RPTOR: variants seen among roughly 807,000 people sequenced by gnomAD.
RPTOR encodes regulatory associated protein of MTOR complex 1.
RPTOR carries 21 observed loss-of-function variants against 169.9 expected under a neutral mutation model. The ratio of observed to expected loss-of-function variants is 0.12; its 90% confidence interval spans 0.09 to 0.18. The LOEUF (loss-of-function observed/expected upper bound fraction) is 0.18, where lower values mean the gene tolerates loss of function less well. Ranked by LOEUF, RPTOR falls within the 10% of genes least tolerant of loss-of-function variation. The pLI is 1.00. For synonymous variants in RPTOR, 732 were observed against 753.2 expected, an observed-to-expected ratio of 0.97 and a Z score of 0.46; for missense variants, 1,133 against 1,855.9, an observed-to-expected ratio of 0.61 and a Z score of 7.16.
Position 80,845,966 on chromosome 17 carries a change from C to T in RPTOR, c.1213-507C>T, listed in dbSNP as rs556857913. Among the ~76,000 whole-genome samples the T allele has an allele frequency of 2.0e-5, 3 of 152,230 alleles. No individual in the cohort carries two copies. Among genetic ancestry groups the T allele is most frequent in the Non-Finnish European group, 4.4e-5 (3 of 68,036 alleles). On this transcript the variant is annotated intron_variant, in intron 10 of 33. Coordinates refer to ENST00000306801, the MANE Select transcript of RPTOR (RefSeq NM_020761.3). This position sits in a 1 kb window ranked among gnomAD's most constrained non-coding sequence, Gnocchi z 5.4. ...ACTGCCGGGCCCTCACCGGCCCCAGCGCGGCCCCAGCTCATCTCCTTGGTC... is the reference window on the plus strand; with the variant it reads ...ACTGCCGGGCCCTCACCGGCCCCAGTGCGGCCCCAGCTCATCTCCTTGGTC...
chr17:80,582,624 C>A (rs1399335020), intron 1 of RPTOR, among the ~76,000 whole-genome samples: 1 of 147,290 alleles, frequency 6.8e-6, no homozygotes, highest in African/African-American at 2.5e-5. Context: ...CGGCTCACTG[C>A]AACCTCCGTC....
intron 4 of RPTOR, among the ~76,000 whole-genome samples, chr17:80,723,993 T>C (rs2066308865): frequency 6.6e-6 from 1 of 151,356 alleles, no homozygotes; most frequent in Non-Finnish European, 1.5e-5. Flanking sequence ...TAAGCAGGGA[T>C]GTTTAGTTTC....
At chr17:80,545,815 C>T in intron 1 of RPTOR, 24 bp downstream of exon 1, 7 of 1,556,674 alleles carry the variant, frequency 4.5e-6, no homozygotes, top group Non-Finnish European at 6.1e-6. Context: ...GAAGGCACCC[C>T]TTGAACTTGG....
At chr17:80,565,168 C>A (rs1380268723) in intron 1 of RPTOR, among the ~76,000 whole-genome samples, 1 of 152,140 alleles carries the variant, frequency 6.6e-6, no homozygotes, top group East Asian at 1.9e-4. Context: ...ATACCTGGAA[C>A]GCATGTTATC....
intron 24 of RPTOR, among the ~76,000 whole-genome samples, chr17:80,929,909 CTG>C (rs1312664072): frequency 1.3e-5 from 2 of 152,146 alleles, no homozygotes; most frequent in African/African-American, 2.4e-5. Flanking sequence ...GAATGACACT[CTG>C]TGTGACATTC....
At chr17:80,962,826 C>A in intron 32 of RPTOR, 102 bp from the exon 33 acceptor site, 1 of 1,554,778 alleles carries the variant, frequency 6.4e-7, no homozygotes, top group East Asian at 2.3e-5. Context: ...CCAGCCTGTC[C>A]CCGTGGTCTA....
intron 5 of RPTOR, among the ~76,000 whole-genome samples, chr17:80,753,008 G>A (rs2066644282): frequency 6.6e-6 from 1 of 152,012 alleles, no homozygotes; most frequent in Non-Finnish European, 1.5e-5. Flanking sequence ...ATACCAACCG[G>A]CATTACTATC....
At chr17:80,807,077 A>G (rs2067225963) in intron 7 of RPTOR, among the ~76,000 whole-genome samples, 1 of 152,354 alleles carries the variant, frequency 6.6e-6, no homozygotes, top group Admixed American at 6.5e-5. Context: ...ACATTTTTAA[A>G]GTATCGTAGC....
At chr17:80,567,831 TA>T (rs1226714085) in intron 1 of RPTOR, among the ~76,000 whole-genome samples, 6 of 151,264 alleles carry the variant, frequency 4.0e-5, no homozygotes, top group Admixed American at 6.6e-5. Flanking sequence ...AATAAATAAA[TA>T]AAAGTCCATT....
intron 5 of RPTOR, among the ~76,000 whole-genome samples, chr17:80,745,301 G>T (rs1034899440): frequency 4.6e-5 from 7 of 152,144 alleles, no homozygotes; most frequent in Non-Finnish European, 8.8e-5. Flanking sequence ...GGGAACTCGG[G>T]GTAACTGTGA....
rs1166711662 is a variant in RPTOR, at chr17:80,583,182, G to GTTTTTTTTTTTT, written c.162+37404_162+37415dup. 1.0e-3 allele frequency among the ~76,000 whole-genome samples: 80 copies of GTTTTTTTTTTTT among 79,268 alleles called. 5 individuals are homozygous for GTTTTTTTTTTTT. Among genetic ancestry groups the GTTTTTTTTTTTT allele is most frequent in the Non-Finnish European group, 1.7e-3 (71 of 40,990 alleles). The allele number at this position is 79,268 out of a possible 152,430, so 52.0% of individuals were successfully genotyped here. A position where few individuals can be genotyped will look rare whatever the true frequency, so the allele number is the denominator to read the frequency against. ...GGTCCCTGTCCACTGCCTCTTTCCT[G>GTTTTTTTTTTTT]TTTTTTTTTTTTTTTTTTTTTTTTG... On this transcript the variant is annotated intron_variant, in intron 1 of 33. Transcript: ENST00000306801.
Position 80,729,142 on chromosome 17 carries a change from A to C in RPTOR, c.508-1418A>C, listed in dbSNP as rs1200499325. On this transcript the variant is annotated intron_variant, in intron 4 of 33. Coordinates refer to ENST00000306801, the MANE Select transcript of RPTOR (RefSeq NM_020761.3). ...GTCTGCTTCTTTGCTGTGCACGGAC[A>C]AAGCTTCTGCAGGCTTCCTGCACGC... Among the ~76,000 whole-genome samples, 3 of 152,356 alleles carry C rather than the reference A, an allele frequency of 2.0e-5. No individual in the cohort carries two copies. In the East Asian group the frequency reaches 5.8e-4, roughly 29 times the overall value.
chr17:80,855,235 C>G (rs1453440491), intron 11 of RPTOR, among the ~76,000 whole-genome samples: 2 of 152,182 alleles, frequency 1.3e-5, no homozygotes, highest in African/African-American at 4.8e-5. Context: ...CTAGTATTTT[C>G]TACATTGAGC....
At chr17:80,762,602 T>C (rs928794306) in intron 6 of RPTOR, among the ~76,000 whole-genome samples, 2 of 151,904 alleles carry the variant, frequency 1.3e-5, no homozygotes, top group Non-Finnish European at 2.9e-5. Context: ...TAAAAGACAA[T>C]TGGAAATATG....
chr17:80,631,030 G>A (rs989307215), intron 2 of RPTOR, among the ~76,000 whole-genome samples: 2 of 152,188 alleles, frequency 1.3e-5, no homozygotes, highest in African/African-American at 4.8e-5. Flanking sequence ...CGTCTGCCTC[G>A]ATTCAGTGTA....
chr17:80,901,151 T>C (rs1483187852), intron 20 of RPTOR, among the ~76,000 whole-genome samples: 1 of 151,954 alleles, frequency 6.6e-6, no homozygotes, highest in Non-Finnish European at 1.5e-5. Context: ...TTGTCTGTGA[T>C]GAGTGAATGC....
At position 80,886,514 on chromosome 17, in the gene RPTOR, TC is replaced by T. The variant is rs1472240959; in HGVS notation, c.1983+1367del. Among the ~76,000 whole-genome samples, 8 of 152,336 alleles carry T rather than the reference TC, an allele frequency of 5.3e-5. 1 individual carries two copies. In the South Asian group the frequency reaches 1.7e-3, roughly 32 times the overall value. On this transcript the variant is annotated intron_variant, in intron 17 of 33. Transcript: ENST00000306801. ...GGACATCACTGATCAAAGCAGCAAA[TC>T]AGCGGTTTGTCTGCTAAAATTCTTT... is the stretch of plus-strand genomic sequence containing the variant.
chr17:80,922,734 A>C lies in RPTOR; in HGVS notation c.2531A>C (p.Asn844Thr). Residue 844 changes from asparagine to threonine, a missense_variant, in exon 22 of 34, where the codon AAC becomes ACC. Asn to Thr is a moderately conservative substitution (Grantham distance 65, BLOSUM62 0). Transcript: ENST00000306801. ...TTCCTTTGCCCCTAGGCCACCGTGA[A>C]CGCCCGGCCGCAGCGCGTCCTGGAC... ...LNSIAYKATVNARPQRVLDTS... is the reference protein window; with the variant it reads ...LNSIAYKATVTARPQRVLDTS... The C allele has an allele frequency of 1.9e-6, 3 of 1,586,736 alleles. No homozygotes were observed. Among genetic ancestry groups the C allele is most frequent in the Non-Finnish European group, 2.6e-6 (3 of 1,170,302 alleles).
At chr17:80,559,503 G>A (rs894837926) in intron 1 of RPTOR, among the ~76,000 whole-genome samples, 6 of 152,204 alleles carry the variant, frequency 3.9e-5, no homozygotes, top group African/African-American at 1.4e-4. Context: ...GTGGCGAATG[G>A]CATTGAGAAG....
Sources: allele counts gnomAD v4.1 joint callset (sites outside exome capture counted in the v4.1 genomes callset), GRCh38; gene constraint gnomAD v4.1.1; non-coding constraint Gnocchi (gnomAD v3.1); transcripts MANE v1.5; gene names NCBI Gene and HGNC (gene_info 2026-07-23, HGNC 2026-07-21).